The following CCDC171 variants were observed in gnomAD, a reference collection of about 807,000 sequenced individuals.
CCDC171 encodes the protein coiled-coil domain-containing protein 171.
In CCDC171, 177 loss-of-function variants were observed where a neutral mutation model predicts 168.2. That is an observed-to-expected ratio of 1.05 (90% CI 0.93 to 1.19). CCDC171 has a LOEUF of 1.19. CCDC171 is among the 50% of genes most tolerant of loss of function. The pLI, the probability that CCDC171 is intolerant of heterozygous loss-of-function variation, is 0.00. For missense variants in CCDC171, 1,991 were observed against 1,539.0 expected (o/e 1.29, Z -4.91); for synonymous variants, 687 against 540.8 (o/e 1.27, Z -3.75).
intron 11 of CCDC171, among the ~76,000 whole-genome samples, chr9:15,715,759 A>T (rs1257971123): frequency 1.3e-5 from 2 of 152,190 alleles, no homozygotes; most frequent in Non-Finnish European, 2.9e-5. Context: ...CCATTCATGA[A>T]AAGTTACTGT....
chr9:16,003,265 G>A (rs1457196638), intron 3 of CCDC171, among the ~76,000 whole-genome samples: 1 of 152,130 alleles, frequency 6.6e-6, no homozygotes, highest in South Asian at 2.1e-4. Context: ...CCACATTGAA[G>A]GTGATGGGAC....
At chr9:15,790,353 T>C (rs545817441) in intron 21 of CCDC171, among the ~76,000 whole-genome samples, 1 of 152,364 alleles carries the variant, frequency 6.6e-6, no homozygotes, top group Non-Finnish European at 1.5e-5. Context: ...CCAGTGATGA[T>C]GAGCATTTTT....
chr9:15,892,408 T>A (rs1225543723), intron 24 of CCDC171, among the ~76,000 whole-genome samples: 1 of 152,198 alleles, frequency 6.6e-6, no homozygotes, highest in African/African-American at 2.4e-5. Context: ...GTTTTTAACA[T>A]GCAGGGATGT....
rs1251227514 is a variant in CCDC171 at position 15,817,588 on chromosome 9, C to T, written c.3268-29114C>T. On this transcript the variant is annotated intron_variant, in intron 21 of 25. Coordinates refer to ENST00000380701, the MANE Select transcript of CCDC171 (RefSeq NM_173550.4). Reference sequence around the variant, plus strand: ...GGAGGGTCCTACGCCCACGGAGCCTCGCTCATTGCTAGCACAGCAGTCTGA... The same window carrying T: ...GGAGGGTCCTACGCCCACGGAGCCTTGCTCATTGCTAGCACAGCAGTCTGA... 7.6e-5 allele frequency among the ~76,000 whole-genome samples: 9 copies of T among 118,244 alleles called. 3 individuals carry two copies. The highest frequency in any genetic ancestry group is 1.9e-4 in the African/African-American group (6 of 31,508). The allele number at this position is 118,244 out of a possible 152,430, so 77.6% of individuals were successfully genotyped here.
chr9:15,842,387 G>T (rs2060716651), intron 21 of CCDC171, among the ~76,000 whole-genome samples: 1 of 151,982 alleles, frequency 6.6e-6, no homozygotes, highest in African/African-American at 2.4e-5. Context: ...TACCCTTTAA[G>T]ATAACTTTAA....
intron 24 of CCDC171, among the ~76,000 whole-genome samples, chr9:15,894,843 G>A (rs1169477): frequency 0.84 from 128,360 of 152,086 alleles, 54,284 homozygotes; most frequent in East Asian, 0.96. Context: ...TAGCCCTGAC[G>A]TAATATGTTT....
chr9:15,758,774 A>T (rs1368840889), intron 18 of CCDC171, among the ~76,000 whole-genome samples: 4 of 152,088 alleles, frequency 2.6e-5, no homozygotes, highest in Non-Finnish European at 5.9e-5. Flanking sequence ...AATAAGTCTC[A>T]CAAGGTTTGA....
intron 6 of CCDC171, among the ~76,000 whole-genome samples, chr9:15,609,297 C>T (rs377609696): frequency 5.3e-5 from 8 of 151,778 alleles, no homozygotes; most frequent in African/African-American, 1.7e-4. Context: ...TTAGTAGAGA[C>T]GGGGTTTCAC....
upstream of CCDC171, among the ~76,000 whole-genome samples, chr9:16,039,219 G>GA (rs1833531346): frequency 6.6e-6 from 1 of 152,280 alleles, no homozygotes. Flanking sequence ...CTCCTATGGG[G>GA]AGGAGAGAGC....
the CCDC171 span, among the ~76,000 whole-genome samples, chr9:16,080,254 T>C: frequency 2.0e-5 from 3 of 152,302 alleles, no homozygotes; most frequent in African/African-American, 2.4e-5. Flanking sequence ...TCTGATTCAA[T>C]TGGGAAATGG....
At chr9:16,029,770 G>A (rs60641653) in intron 6 of CCDC171, among the ~76,000 whole-genome samples, 2,438 of 152,272 alleles carry the variant, frequency 0.016, 87 homozygotes, top group African/African-American at 0.056. Flanking sequence ...AAGTAAAGAT[G>A]AGAAAGACTC....
intron 11 of CCDC171, among the ~76,000 whole-genome samples, chr9:15,706,756 A>G (rs920440537): frequency 6.6e-6 from 1 of 152,116 alleles, no homozygotes; most frequent in Non-Finnish European, 1.5e-5. Flanking sequence ...ATGTTCACTG[A>G]GACTCCAACT....
intron 21 of CCDC171, among the ~76,000 whole-genome samples, chr9:15,824,186 G>T (rs1234528456): frequency 6.6e-6 from 1 of 151,808 alleles, no homozygotes; most frequent in Non-Finnish European, 1.5e-5. Context: ...ATGTTTATCT[G>T]TATAGACATC....
At chr9:15,639,762 T>C (rs1476691150) in intron 7 of CCDC171, among the ~76,000 whole-genome samples, 1 of 152,186 alleles carries the variant, frequency 6.6e-6, no homozygotes, top group Non-Finnish European at 1.5e-5. Context: ...CTCTGAATCT[T>C]TCTATGTTCT....
At chr9:15,696,503 GCA>G (rs1271761783) in intron 11 of CCDC171, among the ~76,000 whole-genome samples, 1 of 152,174 alleles carries the variant, frequency 6.6e-6, no homozygotes, top group Non-Finnish European at 1.5e-5. Context: ...AAAAGTAGGT[GCA>G]GGTATCCAGT....
the CCDC171 span, among the ~76,000 whole-genome samples, chr9:16,107,253 G>A: frequency 5.9e-5 from 9 of 152,006 alleles, no homozygotes; most frequent in African/African-American, 1.7e-4. Context: ...GGGCTCAAGC[G>A]ATTCTCCCAC....
At chr9:16,043,397 GAA>G (rs1271317833) in intron 1 of CCDC171, among the ~76,000 whole-genome samples, 1 of 152,152 alleles carries the variant, frequency 6.6e-6, no homozygotes, top group South Asian at 2.1e-4. Flanking sequence ...TTGGGGTGTT[GAA>G]AAGTTATAGA....
chr9:15,836,535 T>C (rs996598552), intron 21 of CCDC171, among the ~76,000 whole-genome samples: 1 of 152,100 alleles, frequency 6.6e-6, no homozygotes, highest in Non-Finnish European at 1.5e-5. Flanking sequence ...GTATTTTTAG[T>C]AGAGACGAGG....
intron 21 of CCDC171, among the ~76,000 whole-genome samples, chr9:15,798,632 G>A (rs2058670533): frequency 6.6e-6 from 1 of 152,044 alleles, no homozygotes; most frequent in African/African-American, 2.4e-5. Context: ...CAGGTCAAGT[G>A]TAGCCCACTG....
Sources: gnomAD v4.1 joint callset for allele counts (sites outside exome capture counted in the v4.1 genomes callset) on GRCh38, gnomAD v4.1.1 for gene constraint, MANE v1.5 for transcripts, NCBI Gene and HGNC (gene_info 2026-07-23, HGNC 2026-07-21) for gene names.